LITAF: variants seen among roughly 807,000 people sequenced by gnomAD.
LITAF encodes lipopolysaccharide induced TNF factor.
In LITAF, 9 loss-of-function variants were observed where a neutral mutation model predicts 14.5. The ratio of observed to expected loss-of-function variants is 0.62; its 90% CI spans 0.37 to 1.08. LITAF has a LOEUF of 1.08. Among genes scored for constraint, LITAF ranks in the 50% least tolerant of loss-of-function variants. LITAF has a pLI of 0.01. For missense variants in LITAF, 206 were observed against 213.4 expected (o/e 0.97, Z 0.22); for synonymous variants, 98 against 88.2 (o/e 1.11, Z -0.62).
intron 1 of LITAF, among the ~76,000 whole-genome samples, chr16:11,570,029 C>CAAAAAAAAAAAAA (rs61431032): frequency 4.1e-5 from 5 of 122,824 alleles, no homozygotes; most frequent in African/African-American, 1.5e-4. Flanking sequence ...GACTTTGCCT[C>CAAAAAAAAAAAAA]AAAAAAAAAA....
chr16:11,636,210 G>C (rs2065137583), intron 1 of LITAF: 1 of 152,236 alleles, frequency 6.6e-6, no homozygotes, highest in Non-Finnish European at 1.5e-5. Context: ...ATGGGTGCTA[G>C]TGAAGCAGCG....
At chr16:11,600,944 G>C (rs911770643), upstream of LITAF, among the ~76,000 whole-genome samples, 1 of 152,106 alleles carries the variant, frequency 6.6e-6, no homozygotes, top group South Asian at 2.1e-4. This position sits in a 1 kb window ranked among gnomAD's most constrained non-coding sequence, Gnocchi z 4.1. Context: ...CAGGCAAACC[G>C]GGGCATGTCA....
chr16:11,615,813 G>A (rs2065016097), intron 3 of LITAF, among the ~76,000 whole-genome samples: 1 of 152,168 alleles, frequency 6.6e-6, no homozygotes. Context: ...CCTCCTCAGT[G>A]ATTAGAGTAT....
chr16:11,593,457 T>G lies in LITAF; in HGVS notation c.-6+4931A>C, dbSNP rs140668719. On this transcript the variant is annotated intron_variant, in intron 1 of 3. Transcript: ENST00000571627. ...CATTGCTGGTGAGAACATAAAATGC[T>G]ATAGCTACTGTTCCACTCCAAGGTA... 4.6e-5 allele frequency among the ~76,000 whole-genome samples: 7 copies of G among 151,422 alleles called. No homozygotes were observed. The East Asian group carries it at 1.4e-3, about 29-fold the overall frequency.
intron 1 of LITAF, among the ~76,000 whole-genome samples, chr16:11,583,345 C>T (rs1459790816): frequency 2.0e-5 from 3 of 152,136 alleles, no homozygotes; most frequent in Non-Finnish European, 4.4e-5. Context: ...GGCTGCTCCC[C>T]CACAATCAGA....
chr16:11,594,747 G>A (rs886346342), intron 1 of LITAF, among the ~76,000 whole-genome samples: 4 of 151,728 alleles, frequency 2.6e-5, no homozygotes, highest in African/African-American at 4.8e-5. Context: ...ATGGTGGCTC[G>A]TGCCTGTAAT....
At chr16:11,638,106 ATATC>A (rs1276702102), upstream of LITAF, among the ~76,000 whole-genome samples, 46 of 72,246 alleles carry the variant, frequency 6.4e-4, 15 homozygotes, top group African/African-American at 3.2e-3. Context: ...CTATATATAT[ATATC>A]TATCTATATA....
chr16:11,551,591 C>G, intron 3 of LITAF: 1 of 496,956 alleles, frequency 2.0e-6, no homozygotes, highest in Non-Finnish European at 3.6e-6. Flanking sequence ...GAGGTCAAGG[C>G]AGAAGGACTG....
upstream of LITAF, among the ~76,000 whole-genome samples, chr16:11,590,070 T>C (rs1186434387): frequency 1.9e-5 from 2 of 107,000 alleles, 1 homozygote; most frequent in Non-Finnish European, 3.6e-5. Flanking sequence ...GGCAGAAGGA[T>C]CCCCTTGAGC....
chr16:11,628,430 C>A (rs1271767681), intron 3 of LITAF, among the ~76,000 whole-genome samples: 2 of 152,180 alleles, frequency 1.3e-5, no homozygotes, highest in Admixed American at 6.5e-5. Context: ...AGGAGACATC[C>A]GGAGATCTTG....
upstream of LITAF, chr16:11,587,692 T>G (rs1376060135): frequency 4.7e-6 from 1 of 214,970 alleles, no homozygotes; most frequent in East Asian, 1.5e-4. Flanking sequence ...TAGCCCCATT[T>G]CACATCCGCC....
At chr16:11,562,313 C>CAAAAAAAAAAAA (rs57317505) in intron 1 of LITAF, among the ~76,000 whole-genome samples, 1 of 61,430 alleles carries the variant, frequency 1.6e-5, no homozygotes, top group Non-Finnish European at 3.1e-5. Context: ...GACTCCGTCT[C>CAAAAAAAAAAAA]AAAAAAAAAA....
intron 1 of LITAF, among the ~76,000 whole-genome samples, chr16:11,598,199 A>G (rs2064903684): frequency 6.6e-6 from 1 of 151,930 alleles, no homozygotes; most frequent in Non-Finnish European, 1.5e-5. Context: ...TGCCCGGCCA[A>G]AAGCTCAGCA....
intron 3 of LITAF, among the ~76,000 whole-genome samples, chr16:11,621,082 G>A (rs554018932): frequency 6.7e-6 from 1 of 149,294 alleles, no homozygotes; most frequent in African/African-American, 2.5e-5. Context: ...TTTTTGAGAT[G>A]GAGTTTCGCT....
At chr16:11,630,671 TGG>T (rs757168499) in intron 3 of LITAF, among the ~76,000 whole-genome samples, 24 of 150,268 alleles carry the variant, frequency 1.6e-4, no homozygotes, top group Non-Finnish European at 3.1e-4. Flanking sequence ...CTCAAACTCC[TGG>T]GCTCAAACAA....
rs1295166774 is a variant in LITAF, at chr16:11,610,859, TG to T, written c.85+22673del. ...GCAAGCCTTCACTCTTGGGTGGGGC[TG>T]GGGAAATGTGAATCAGTGGCCAATT... On this transcript the variant is annotated intron_variant, in intron 3 of 3. Coordinates refer to the LITAF transcript ENST00000574848. Among the ~76,000 whole-genome samples, 3 of 152,052 alleles carry T rather than the reference TG, an allele frequency of 2.0e-5. No individual in the cohort carries two copies. The East Asian group carries it at 5.8e-4, about 29-fold the overall frequency.
intron 3 of LITAF, among the ~76,000 whole-genome samples, chr16:11,551,199 A>G (rs1267543766): frequency 6.6e-6 from 1 of 152,224 alleles, no homozygotes; most frequent in East Asian, 1.9e-4. Flanking sequence ...TTATCTCATG[A>G]AAGAAATTTC....
At chr16:11,604,229 T>C (rs538238177) in intron 3 of LITAF, among the ~76,000 whole-genome samples, 209 of 152,324 alleles carry the variant, frequency 1.4e-3, no homozygotes, top group African/African-American at 4.5e-3. Context: ...AACCCATTCA[T>C]GCCTGCTCTA....
upstream of LITAF, among the ~76,000 whole-genome samples, chr16:11,599,572 C>T (rs1375624205): frequency 6.6e-6 from 1 of 152,078 alleles, no homozygotes; most frequent in Non-Finnish European, 1.5e-5. Flanking sequence ...AGAAAATGGT[C>T]CTAGCCAAGC....
Sources: allele counts gnomAD v4.1 joint callset (sites outside exome capture counted in the v4.1 genomes callset), GRCh38; gene constraint gnomAD v4.1.1; non-coding constraint Gnocchi (gnomAD v3.1); transcripts MANE v1.5; gene names NCBI Gene and HGNC (gene_info 2026-07-23, HGNC 2026-07-21).